The following ITCH variants were observed in gnomAD, a reference collection of about 807,000 sequenced individuals.
The protein encoded by ITCH is E3 ubiquitin-protein ligase Itchy homolog.
ITCH carries 28 observed loss-of-function variants against 126.8 expected under a neutral mutation model. The observed-to-expected ratio is 0.22, with a 90% CI of 0.16 to 0.30. The LOEUF (loss-of-function observed/expected upper bound fraction) is 0.30, where lower values mean the gene tolerates loss of function less well. Ranked by LOEUF, ITCH falls within the 10% of genes least tolerant of loss-of-function variation. The pLI is 1.00. For synonymous variants in ITCH, 342 were observed against 340.0 expected, an observed-to-expected ratio of 1.01 and a Z score of -0.06; for missense variants, 631 against 1,032.4, an observed-to-expected ratio of 0.61 and a Z score of 5.33.
Position 34,402,007 on chromosome 20 carries a change from A to T in ITCH, c.71-6644A>T, listed in dbSNP as rs548867574. The T allele has an allele frequency of 6.8e-5, 39 of 576,416 alleles. No homozygotes were observed. In the African/African-American group the frequency reaches 6.9e-4, roughly 10 times the overall value. 35.7% of individuals were successfully genotyped at this position (576,416 alleles called of 1,614,324 possible). A position where few individuals can be genotyped will look rare whatever the true frequency, so the allele number is the denominator to read the frequency against. ...CGCATAGCTATGGGCCTTGTCTCAC[A>T]TGAGTACATGTGGGTAGGTGCAGTG... On this transcript the variant is annotated intron_variant, in intron 3 of 24. Transcript: ENST00000374864.
At position 34,511,586 on chromosome 20, in the gene ITCH, G is replaced by A. The variant is rs180952924; in HGVS notation, c.*3792G>A. 3.9e-5 allele frequency among the ~76,000 whole-genome samples: 6 copies of A among 152,184 alleles called. No homozygotes were observed. The highest frequency in any genetic ancestry group is 6.5e-5 in the Admixed American group (1 of 15,280). On this transcript the variant is annotated 3_prime_UTR_variant, in exon 25 of 25. Transcript: ENST00000374864. ...ATCAAGGGTTGGACTGCTTATTCTCGCAGCCCAATAATGAGGTGCAGATGA... is the reference window on the plus strand; with the variant it reads ...ATCAAGGGTTGGACTGCTTATTCTCACAGCCCAATAATGAGGTGCAGATGA...
At chr20:34,372,329 G>A (rs1468599271) in intron 2 of ITCH, among the ~76,000 whole-genome samples, 3 of 115,372 alleles carry the variant, frequency 2.6e-5, no homozygotes, top group Admixed American at 9.6e-5. Context: ...AAAAAAAAAA[G>A]GCTTCATAAT....
At position 34,484,573 on chromosome 20, in the gene ITCH, G is replaced by A. The variant is rs577898676; in HGVS notation, c.2093+3367G>A. ...TTCGAGATTCCAAGAGATGTACTAC[G>A]TTTCTCAATAGTTTTGTTGCTGGTA... On this transcript the variant is annotated intron_variant, in intron 20 of 24. Coordinates refer to ENST00000374864, the MANE Select transcript of ITCH (RefSeq NM_031483.7). 8.5e-5 allele frequency among the ~76,000 whole-genome samples: 13 copies of A among 152,198 alleles called. 1 individual carries two copies. In the South Asian group the frequency reaches 2.1e-3, roughly 24 times the overall value.
At chr20:34,466,928 A>G (rs1987120699) in intron 14 of ITCH, among the ~76,000 whole-genome samples, 1 of 152,040 alleles carries the variant, frequency 6.6e-6, no homozygotes, top group Admixed American at 6.5e-5. Flanking sequence ...AAGAAAGGAA[A>G]TAAATAAAAG....
chr20:34,468,372 C>T (rs1987295294), intron 14 of ITCH, among the ~76,000 whole-genome samples: 1 of 151,900 alleles, frequency 6.6e-6, no homozygotes, highest in Non-Finnish European at 1.5e-5. Flanking sequence ...GTAACAAAAG[C>T]TTACAGCCAA....
chr20:34,467,927 AAAAC>A (rs1987238724), intron 14 of ITCH, among the ~76,000 whole-genome samples: 1 of 152,166 alleles, frequency 6.6e-6, no homozygotes, highest in Admixed American at 6.5e-5. Context: ...ATTCCATGTC[AAAAC>A]AAACAAAATT....
At chr20:34,418,849 T>C (rs1319903196) in intron 6 of ITCH, among the ~76,000 whole-genome samples, 2 of 141,172 alleles carry the variant, frequency 1.4e-5, no homozygotes, top group African/African-American at 5.3e-5. Flanking sequence ...GCAACCTCCA[T>C]CTCCTGGGTT....
chr20:34,407,919 A>T (rs992781784), intron 3 of ITCH, among the ~76,000 whole-genome samples: 1 of 152,192 alleles, frequency 6.6e-6, no homozygotes, highest in African/African-American at 2.4e-5. Flanking sequence ...TATCTGACAC[A>T]TGGTAGGCAT....
At chr20:34,403,907 T>C (rs1286134306) in intron 3 of ITCH, among the ~76,000 whole-genome samples, 1 of 152,124 alleles carries the variant, frequency 6.6e-6, no homozygotes, top group East Asian at 1.9e-4. Flanking sequence ...GGCTAGAATA[T>C]AGAACTTTGG....
intron 21 of ITCH, 71 bp downstream of exon 21, chr20:34,489,457 A>T: frequency 7.1e-7 from 1 of 1,408,794 alleles, no homozygotes; most frequent in South Asian, 1.2e-5. Flanking sequence ...CTTTTAACTC[A>T]CTTTCCCATC....
intron 2 of ITCH, among the ~76,000 whole-genome samples, chr20:34,379,265 T>G (rs1340905542): frequency 1.3e-5 from 2 of 152,120 alleles, no homozygotes; most frequent in African/African-American, 4.8e-5. Context: ...AAATTGATGT[T>G]TTCATCTCTA....
intron 12 of ITCH, chr20:34,450,885 T>C (rs1415428043): frequency 6.6e-6 from 1 of 152,196 alleles, no homozygotes; most frequent in Non-Finnish European, 1.5e-5. Flanking sequence ...ATTGCTCTTA[T>C]TTAAAGGTAT....
intron 7 of ITCH, among the ~76,000 whole-genome samples, chr20:34,438,023 C>T (rs944210186): frequency 2.0e-5 from 3 of 152,204 alleles, no homozygotes; most frequent in Admixed American, 1.3e-4. Context: ...AATACGTGCA[C>T]TTTGTTCTCC....
chr20:34,491,873 T>A (rs773862184), intron 22 of ITCH, among the ~76,000 whole-genome samples: 1 of 152,166 alleles, frequency 6.6e-6, no homozygotes, highest in Non-Finnish European at 1.5e-5. Flanking sequence ...TTGGGATATA[T>A]CCTGCATCAG....
At chr20:34,400,057 G>A (rs1326710477) in intron 3 of ITCH, among the ~76,000 whole-genome samples, 3 of 151,946 alleles carry the variant, frequency 2.0e-5, no homozygotes, top group East Asian at 1.9e-4. Flanking sequence ...TTCTGCGTCA[G>A]CCTCCTGAGT....
chr20:34,364,994 A>G (rs1030950842), intron 1 of ITCH, among the ~76,000 whole-genome samples: 2 of 151,428 alleles, frequency 1.3e-5, no homozygotes, highest in Non-Finnish European at 2.9e-5. Flanking sequence ...GAGCCCAGGA[A>G]TTGGAGATCA....
At chr20:34,363,737 C>T (rs557981125) in intron 1 of ITCH, among the ~76,000 whole-genome samples, 3 of 152,134 alleles carry the variant, frequency 2.0e-5, no homozygotes, top group Admixed American at 6.5e-5. Flanking sequence ...GCGGCGGGGC[C>T]GGCGCGGGCG....
At position 34,364,724 on chromosome 20, in the gene ITCH, C is replaced by CAAA. The variant is rs1171765663; in HGVS notation, c.-99+1392_-99+1394dup. On this transcript the variant is annotated intron_variant, in intron 1 of 24. Transcript: ENST00000374864. ...TGAAACCCCGTCTCTACTAAAAATA[C>CAAA]AAAAAAAAAAAAAAAAAAATCCTGG... Among the ~76,000 whole-genome samples the CAAA allele has an allele frequency of 1.2e-3, 54 of 45,572 alleles. 2 individuals are homozygous for CAAA. The highest frequency in any genetic ancestry group is 4.0e-3 in the African/African-American group (34 of 8,432). 29.9% of individuals were successfully genotyped at this position (45,572 alleles called of 152,430 possible).
At chr20:34,399,677 TA>T (rs1215137031) in intron 3 of ITCH, among the ~76,000 whole-genome samples, 50 of 151,558 alleles carry the variant, frequency 3.3e-4, no homozygotes, top group Admixed American at 1.1e-3. Context: ...CTGTTTCTAC[TA>T]AAAAATACAA....
Sources: gnomAD v4.1 joint callset for allele counts (sites outside exome capture counted in the v4.1 genomes callset) on GRCh38, gnomAD v4.1.1 for gene constraint, MANE v1.5 for transcripts, NCBI Gene and HGNC (gene_info 2026-07-23, HGNC 2026-07-21) for gene names.